The following FNIP1 variants were observed in gnomAD, a reference collection of about 807,000 sequenced individuals.
FNIP1 encodes folliculin interacting protein 1, also known as folliculin-interacting protein 1.
Under a neutral mutation model 124.5 loss-of-function variants are expected in FNIP1, and 40 were observed. The ratio of observed to expected loss-of-function variants is 0.32; its 90% confidence interval spans 0.25 to 0.42. The LOEUF (loss-of-function observed/expected upper bound fraction) is 0.42, where lower values mean the gene tolerates loss of function less well. Ranked by LOEUF, FNIP1 falls within the 10% of genes least tolerant of loss-of-function variation. The pLI, the probability that FNIP1 is intolerant of heterozygous loss-of-function variation, is 1.00. For synonymous variants in FNIP1, 472 were observed against 470.6 expected (o/e 1.00, Z -0.04); for missense variants, 1,176 against 1,403.7 (o/e 0.84, Z 2.59).
intron 15 of FNIP1, among the ~76,000 whole-genome samples, chr5:131,656,670 C>G (rs916917589): frequency 6.6e-6 from 1 of 150,700 alleles, no homozygotes; most frequent in Non-Finnish European, 1.5e-5. Flanking sequence ...AGGCAATACA[C>G]AAGTTCTTGG....
intron 11 of FNIP1, among the ~76,000 whole-genome samples, chr5:131,682,828 T>A (rs184623448): frequency 3.3e-4 from 50 of 152,320 alleles, no homozygotes; most frequent in African/African-American, 1.2e-3. Flanking sequence ...CTTTCAGTAA[T>A]CTGTCCCCTT....
rs370380705 is a variant in FNIP1 at position 131,719,544 on chromosome 5, A to G, written c.355-127T>C. On this transcript the variant is annotated intron_variant, in intron 3 of 17. Coordinates refer to ENST00000510461, the MANE Select transcript of FNIP1 (RefSeq NM_133372.3). ...TAAGAGTTGTACTTCTACACTGTAT[A>G]CGCTGTTCTGCAACTCGATTTTCTT... 6.0e-4 allele frequency: 441 copies of G among 740,722 alleles called. 5 individuals are homozygous for G. The South Asian group carries it at 0.01, about 17-fold the overall frequency. The allele number at this position is 740,722 out of a possible 1,614,324, so 45.9% of individuals were successfully genotyped here.
At chr5:131,686,613 A>C (rs142632492) in intron 11 of FNIP1, among the ~76,000 whole-genome samples, 1 of 152,348 alleles carries the variant, frequency 6.6e-6, no homozygotes, top group East Asian at 1.9e-4. Context: ...AATGTGTAAT[A>C]ATCATATCAG....
chr5:131,772,855 C>T (rs1047540963), intron 1 of FNIP1, among the ~76,000 whole-genome samples: 1 of 152,172 alleles, frequency 6.6e-6, no homozygotes, highest in Non-Finnish European at 1.5e-5. Context: ...CCACTCTGTC[C>T]CATTTTTCTG....
Position 131,744,616 on chromosome 5 carries a change from T to C in FNIP1, c.167A>G (p.Asn56Ser), listed in dbSNP as rs370978449. ...VYQDCERRGR[N>S]VLFDSSVKRR... ...CTTAACACTGGAGTCAAACAAAACA[T>C]TTCTCCCTCGTCTTTCACAGTCTTG... Residue 56 changes from asparagine to serine, a missense_variant, in exon 2 of 18, where the codon AAT (asparagine) becomes AGT (serine). Physicochemically the swap from Asn to Ser is conservative, Grantham distance 46. Around this residue, in one of 2 missense-constraint regions of FNIP1, gnomAD observed 1,109 missense variants for 1,288.5 expected, o/e 0.86. Transcript: ENST00000510461. 23 of 1,611,844 alleles carry C rather than the reference T, an allele frequency of 1.4e-5. No homozygotes were observed. The highest frequency in any genetic ancestry group is 2.7e-5 in the African/African-American group (2 of 74,788).
At chr5:131,688,377 C>T (rs1768356352) in intron 11 of FNIP1, among the ~76,000 whole-genome samples, 1 of 151,400 alleles carries the variant, frequency 6.6e-6, no homozygotes, top group Non-Finnish European at 1.5e-5. Context: ...ATCTAAGGCT[C>T]CTAGCTAGGT....
chr5:131,652,022 T>C lies in FNIP1; in HGVS notation c.3109-23A>G, dbSNP rs79630628. The C allele has an allele frequency of 7.5e-6, 12 of 1,593,768 alleles. No individual in the cohort carries two copies. In the East Asian group the frequency reaches 2.2e-4, roughly 30 times the overall value. On this transcript the variant is annotated intron_variant, in intron 15 of 17. Coordinates refer to ENST00000510461, the MANE Select transcript of FNIP1 (RefSeq NM_133372.3). ...ATGCTGGAAATAAAAGAATAATTCA[T>C]CTTATGTTTAGCAAATGAAGTTTCC...
At chr5:131,772,518 G>C (rs747663949) in intron 1 of FNIP1, among the ~76,000 whole-genome samples, 1 of 151,578 alleles carries the variant, frequency 6.6e-6, no homozygotes, top group African/African-American at 2.4e-5. Context: ...TAAGAAAACT[G>C]TTACCTGAAT....
At chr5:131,766,042 C>T (rs1382760954) in intron 1 of FNIP1, among the ~76,000 whole-genome samples, 1 of 152,042 alleles carries the variant, frequency 6.6e-6, no homozygotes, top group Non-Finnish European at 1.5e-5. Context: ...TTTCAGAAAC[C>T]TAATCTTTTT....
At chr5:131,669,043 T>C (rs1767679281) in intron 15 of FNIP1, among the ~76,000 whole-genome samples, 1 of 152,108 alleles carries the variant, frequency 6.6e-6, no homozygotes, top group African/African-American at 2.4e-5. Context: ...AGCAACCTTA[T>C]AAAAACTAAA....
chr5:131,689,172 AG>A (rs1768391593), intron 11 of FNIP1, among the ~76,000 whole-genome samples: 2 of 150,426 alleles, frequency 1.3e-5, no homozygotes, highest in South Asian at 2.1e-4. Context: ...AAGAGACTGG[AG>A]AAAAATGGTT....
intron 3 of FNIP1, among the ~76,000 whole-genome samples, chr5:131,727,643 T>C (rs748527216): frequency 1.3e-5 from 2 of 152,220 alleles, no homozygotes; most frequent in Non-Finnish European, 2.9e-5. Context: ...TTTGCCAGTC[T>C]GTGTCTCTTA....
chr5:131,739,029 T>C (rs1770416464), intron 2 of FNIP1, among the ~76,000 whole-genome samples: 2 of 152,180 alleles, frequency 1.3e-5, no homozygotes, highest in South Asian at 4.1e-4. Flanking sequence ...TTGGCCAGAC[T>C]GGTCTCAAAC....
intron 16 of FNIP1, among the ~76,000 whole-genome samples, chr5:131,647,598 T>G (rs994287020): frequency 2.0e-5 from 3 of 152,032 alleles, no homozygotes; most frequent in Non-Finnish European, 4.4e-5. Context: ...CTCAGTCTCC[T>G]GAGTAGCTGG....
rs755112140 is a variant in FNIP1, at chr5:131,706,527, C to G, written c.798G>C (p.Leu266=). 6.2e-7 allele frequency: 1 copy of G among 1,604,250 alleles called. No individual in the cohort carries two copies. The highest frequency in any genetic ancestry group is 8.5e-7 in the Non-Finnish European group (1 of 1,174,952). ...AGTTTGGGGAAGGAAATGGAGTGATCAGCAAGCTGCTGAGAGATGCTGTTA... is the reference window on the plus strand; with the variant it reads ...AGTTTGGGGAAGGAAATGGAGTGATGAGCAAGCTGCTGAGAGATGCTGTTA... The part of the protein sequence containing the change: ...IARSASLSSL[L]ITPFPSPNSS... Residue 266 remains leucine (L), a synonymous_variant, in exon 9 of 18, where the codon CTG becomes CTC. Transcript: ENST00000510461.
At chr5:131,707,802 T>C (rs1298794325) in intron 8 of FNIP1, among the ~76,000 whole-genome samples, 1 of 152,150 alleles carries the variant, frequency 6.6e-6, no homozygotes, top group African/African-American at 2.4e-5. Context: ...AAATGGCATA[T>C]ATGAATCCAA....
intron 1 of FNIP1, among the ~76,000 whole-genome samples, chr5:131,778,742 A>C (rs1366688770): frequency 4.3e-5 from 5 of 115,018 alleles, no homozygotes; most frequent in African/African-American, 1.7e-4. Context: ...ACTTGGAACC[A>C]ACCCAAATGT....
intron 5 of FNIP1, among the ~76,000 whole-genome samples, chr5:131,717,135 C>T (rs1043776295): frequency 6.6e-6 from 1 of 151,560 alleles, no homozygotes; most frequent in Non-Finnish European, 1.5e-5. Flanking sequence ...TATCCCTCCC[C>T]CCTCACCCCA....
chr5:131,693,334 AT>A (rs1768566245), intron 11 of FNIP1, among the ~76,000 whole-genome samples: 1 of 16,402 alleles, frequency 6.1e-5, no homozygotes, highest in Non-Finnish European at 1.2e-4. Flanking sequence ...ATATATATAC[AT>A]ATATATATAT....
Sources: allele counts gnomAD v4.1 joint callset (sites outside exome capture counted in the v4.1 genomes callset), GRCh38; gene constraint gnomAD v4.1.1; regional missense constraint gnomAD v4.1.1; transcripts MANE v1.5; gene names NCBI Gene and HGNC (gene_info 2026-07-23, HGNC 2026-07-21).